Variants in CDH18 observed in about 807,000 individuals in gnomAD.
CDH18 encodes cadherin 18.
In CDH18, 31 loss-of-function variants were observed where a neutral mutation model predicts 67.9. That is an observed-to-expected ratio of 0.46 (90% CI 0.34 to 0.62). The LOEUF is 0.62. Among genes scored for constraint, CDH18 ranks in the 20% least tolerant of loss-of-function variants. CDH18 has a pLI of 0.01. For synonymous variants in CDH18, 362 were observed against 347.2 expected (o/e 1.04, Z -0.48); for missense variants, 890 against 975.5 (o/e 0.91, Z 1.17).
At chr5:19,708,124 T>A (rs1764199239) in intron 5 of CDH18, among the ~76,000 whole-genome samples, 1 of 152,118 alleles carries the variant, frequency 6.6e-6, no homozygotes, top group Non-Finnish European at 1.5e-5. Context: ...GATCAAAATT[T>A]GGGAAATAAT....
chr5:20,004,093 G>A (rs953620755), intron 2 of CDH18, among the ~76,000 whole-genome samples: 6 of 152,000 alleles, frequency 3.9e-5, no homozygotes, highest in African/African-American at 1.5e-4. Context: ...CTGTTTGCTC[G>A]CAATCCAAAC....
rs187941838 is a variant in CDH18 at position 19,517,945 on chromosome 5, T to G, written c.1512+2712A>C. Among the ~76,000 whole-genome samples the G allele has an allele frequency of 8.2e-3, 1,254 of 152,058 alleles. 11 individuals carry two copies. The highest frequency in any genetic ancestry group is 0.031 in the South Asian group (151 of 4,818). Reference sequence around the variant, plus strand: ...CTAAGCTGCTGTTATTACCAGTAATTGAGATACTGTATTTTCTTAAATTTA... The same window carrying G: ...CTAAGCTGCTGTTATTACCAGTAATGGAGATACTGTATTTTCTTAAATTTA... On this transcript the variant is annotated intron_variant, in intron 10 of 12. Coordinates refer to ENST00000382275, the MANE Select transcript of CDH18 (RefSeq NM_004934.5).
intron 12 of CDH18, among the ~76,000 whole-genome samples, 188 bp from the exon 13 acceptor site, chr5:19,473,904 T>C (rs1195266577): frequency 6.6e-6 from 1 of 152,106 alleles, no homozygotes; most frequent in Non-Finnish European, 1.5e-5. Context: ...CCTCAAATAA[T>C]GTAAAAGATG....
At chr5:20,271,687 C>A (rs1414252674) in intron 1 of CDH18, among the ~76,000 whole-genome samples, 2 of 152,044 alleles carry the variant, frequency 1.3e-5, no homozygotes, top group East Asian at 1.9e-4. Context: ...CCAGAAGATG[C>A]CTATCTATGA....
chr5:20,417,145 A>G (rs1337366740), intron 1 of CDH18, among the ~76,000 whole-genome samples: 2 of 152,086 alleles, frequency 1.3e-5, no homozygotes, highest in Non-Finnish European at 1.5e-5. Flanking sequence ...TTAATGAATC[A>G]TTTTTGTTAG....
chr5:20,429,896 A>G (rs531487632), intron 1 of CDH18, among the ~76,000 whole-genome samples: 1 of 152,324 alleles, frequency 6.6e-6, no homozygotes, highest in African/African-American at 2.4e-5. Context: ...TCAGCAAAGT[A>G]ATTTAATAAC....
intron 2 of CDH18, among the ~76,000 whole-genome samples, chr5:20,078,181 G>A (rs1260661958): frequency 1.3e-5 from 2 of 152,154 alleles, no homozygotes; most frequent in African/African-American, 4.8e-5. Flanking sequence ...TTCACTTATG[G>A]CCGGGTGTGG....
intron 3 of CDH18, among the ~76,000 whole-genome samples, chr5:19,789,600 C>A (rs866949021): frequency 6.6e-6 from 1 of 152,068 alleles, no homozygotes; most frequent in African/African-American, 2.4e-5. Flanking sequence ...ACAAAAAATA[C>A]GTCAATTATT....
At chr5:20,023,607 C>G (rs952308773) in intron 2 of CDH18, among the ~76,000 whole-genome samples, 1 of 148,384 alleles carries the variant, frequency 6.7e-6, no homozygotes, top group African/African-American at 2.5e-5. Context: ...TGTAGTTAGC[C>G]GAGATCGCGC....
chr5:20,164,494 T>G (rs1199849926), intron 2 of CDH18, among the ~76,000 whole-genome samples: 1 of 141,244 alleles, frequency 7.1e-6, no homozygotes, highest in Admixed American at 7.3e-5. Flanking sequence ...TATCTAGTCT[T>G]GAACTCCTGA....
At chr5:19,620,212 G>A (rs983160031) in intron 5 of CDH18, among the ~76,000 whole-genome samples, 19 of 152,220 alleles carry the variant, frequency 1.2e-4, no homozygotes, top group Non-Finnish European at 1.5e-5. Flanking sequence ...TATTTCTGCT[G>A]AGGAGAAAAG....
At chr5:20,391,896 G>A (rs1387824860) in intron 1 of CDH18, among the ~76,000 whole-genome samples, 1 of 151,348 alleles carries the variant, frequency 6.6e-6, no homozygotes, top group African/African-American at 2.4e-5. Context: ...CAAGAATGCA[G>A]AACAGTATTA....
chr5:19,941,631 A>C (rs564215385), intron 2 of CDH18, among the ~76,000 whole-genome samples: 4 of 152,044 alleles, frequency 2.6e-5, no homozygotes, highest in African/African-American at 9.6e-5. Context: ...AAAAAGAAAA[A>C]AAAGAGTTAA....
chr5:19,647,454 C>T (rs573651601), intron 5 of CDH18, among the ~76,000 whole-genome samples: 5 of 133,170 alleles, frequency 3.8e-5, no homozygotes, highest in South Asian at 2.5e-4. Flanking sequence ...CACTTGAACC[C>T]GGGAGGTAGA....
At chr5:20,273,773 G>A (rs1745608119) in intron 1 of CDH18, among the ~76,000 whole-genome samples, 1 of 151,968 alleles carries the variant, frequency 6.6e-6, no homozygotes, top group Admixed American at 6.6e-5. Flanking sequence ...ACCCAAACAT[G>A]GATATAGCAA....
chr5:19,775,248 T>C (rs1232968059), intron 3 of CDH18, among the ~76,000 whole-genome samples: 9 of 152,202 alleles, frequency 5.9e-5, no homozygotes, highest in African/African-American at 9.6e-5. Flanking sequence ...AAAGAGTTGA[T>C]TGAAAGTAGT....
At chr5:19,942,249 C>A (rs1794901371) in intron 2 of CDH18, among the ~76,000 whole-genome samples, 1 of 152,120 alleles carries the variant, frequency 6.6e-6, no homozygotes, top group Non-Finnish European at 1.5e-5. Flanking sequence ...GTCATATTCC[C>A]TGCACTAAGG....
chr5:20,194,623 C>G (rs1036433753), intron 2 of CDH18, among the ~76,000 whole-genome samples: 2 of 151,200 alleles, frequency 1.3e-5, no homozygotes, highest in Non-Finnish European at 2.9e-5. Flanking sequence ...TTTTCCACTT[C>G]TACTCTATCT....
In CDH18 at chr5:20,100,323, T is replaced by C. The variant is rs1746346633; in HGVS notation, c.-517-108309A>G. ...AGAATTCCTCTTTTTCCTGAGACAG[T>C]GTTTTAGTTTTGCTGAAAAAGAGAC... On this transcript the variant is annotated intron_variant, in intron 2 of 14. Transcript: ENST00000507958. Among the ~76,000 whole-genome samples the C allele has an allele frequency of 2.0e-5, 3 of 152,168 alleles. 1 individual carries two copies. In the South Asian group the frequency reaches 6.2e-4, roughly 32 times the overall value.
Sources: allele counts gnomAD v4.1 joint callset (sites outside exome capture counted in the v4.1 genomes callset), GRCh38; gene constraint gnomAD v4.1.1; transcripts MANE v1.5; gene names NCBI Gene and HGNC (gene_info 2026-07-23, HGNC 2026-07-21).